The following ITPRID1 variants were observed in gnomAD, a reference collection of about 807,000 sequenced individuals.
ITPRID1 encodes the protein ITPR interacting domain containing 1.
ITPRID1 carries 96 observed loss-of-function variants against 95.4 expected under a neutral mutation model. The ratio of observed to expected loss-of-function variants is 1.01; its 90% CI spans 0.85 to 1.19. The LOEUF is 1.19. Among genes scored for constraint, ITPRID1 ranks in the 50% most tolerant of loss-of-function variants. ITPRID1 has a pLI of 0.00. For synonymous variants in ITPRID1, 510 were observed against 453.6 expected, an observed-to-expected ratio of 1.12 and a Z score of -1.58; for missense variants, 1,339 against 1,252.9, an observed-to-expected ratio of 1.07 and a Z score of -1.04.
chr7:31,519,534 T>C (rs2128126376), intron 1 of ITPRID1, among the ~76,000 whole-genome samples: 1 of 150,012 alleles, frequency 6.7e-6, no homozygotes, highest in Admixed American at 6.7e-5. Context: ...GTTCCATCTA[T>C]ACATAGATAT....
chr7:31,545,666 G>A (rs190228717), intron 1 of ITPRID1, among the ~76,000 whole-genome samples: 3 of 152,210 alleles, frequency 2.0e-5, no homozygotes, highest in East Asian at 1.9e-4. Context: ...GGGCACAACT[G>A]CCTTGTCTTT....
chr7:31,658,304 T>G, downstream of ITPRID1: 10 of 1,520,170 alleles, frequency 6.6e-6, no homozygotes, highest in Non-Finnish European at 8.8e-6. Context: ...GATCCCTTTT[T>G]TTTTTCTTCA....
At chr7:31,573,126 T>A (rs1471549929) in intron 7 of ITPRID1, among the ~76,000 whole-genome samples, 1 of 152,176 alleles carries the variant, frequency 6.6e-6, no homozygotes, top group African/African-American at 2.4e-5. Context: ...AATGGAGCCA[T>A]CTCCAGTTCA....
At chr7:31,598,427 G>A (rs1476159234) in intron 10 of ITPRID1, among the ~76,000 whole-genome samples, 3 of 127,160 alleles carry the variant, frequency 2.4e-5, no homozygotes, top group Non-Finnish European at 4.7e-5. Context: ...TTTTTGAGAC[G>A]GAGTCTCGCT....
chr7:31,612,802 C>A (rs1786935400), intron 10 of ITPRID1, among the ~76,000 whole-genome samples: 1 of 152,128 alleles, frequency 6.6e-6, no homozygotes, highest in African/African-American at 2.4e-5. Flanking sequence ...TCAGATCTTT[C>A]TTGGGCATGA....
chr7:31,593,162 G>C (rs1340393512), intron 10 of ITPRID1, among the ~76,000 whole-genome samples: 1 of 152,000 alleles, frequency 6.6e-6, no homozygotes, highest in Admixed American at 6.6e-5. Context: ...AAAAGTAGCT[G>C]GGCATAGTGG....
In ITPRID1 at chr7:31,592,465, C is replaced by G. The variant is rs545048684; in HGVS notation, c.1228+9274C>G. ...CATTCAAGTTGATTAAGATGTTACT[C>G]AAAATAAAGTACTCTGGAACAGCCT... On this transcript the variant is annotated intron_variant, in intron 10 of 14. Coordinates refer to ENST00000615280, the MANE Select transcript of ITPRID1 (RefSeq NM_001257967.3). Among the ~76,000 whole-genome samples the G allele has an allele frequency of 9.9e-5, 15 of 152,258 alleles. No individual in the cohort carries two copies. In the South Asian group the frequency reaches 3.1e-3, roughly 32 times the overall value.
At chr7:31,574,886 T>G (rs911874897) in intron 8 of ITPRID1, 144 bp downstream of exon 8, 1 of 727,694 alleles carries the variant, frequency 1.4e-6, no homozygotes, top group Non-Finnish European at 2.3e-6. Context: ...GATTTCTTGG[T>G]CATCCTATAT....
rs551899745 is a variant in ITPRID1 at position 31,651,237 on chromosome 7, C to A, written c.2679C>A (p.Ala893=). The A allele has an allele frequency of 6.2e-7, 1 of 1,613,446 alleles. No homozygotes were observed. The highest frequency in any genetic ancestry group is 1.3e-5 in the African/African-American group (1 of 74,970). ...EIEQHLMGQQ[A]LFSRDMSEEE... Reference sequence around the variant, plus strand: ...AACAGCACCTTATGGGACAGCAGGCCCTCTTTTCCAGGGACATGTCAGAGG... The same window carrying A: ...AACAGCACCTTATGGGACAGCAGGCACTCTTTTCCAGGGACATGTCAGAGG... Residue 893 remains alanine (A), a synonymous_variant, in exon 13 of 15, where the codon GCC becomes GCA. Transcript: ENST00000615280.
At chr7:31,519,911 T>C (rs1783187748) in intron 1 of ITPRID1, among the ~76,000 whole-genome samples, 1 of 151,926 alleles carries the variant, frequency 6.6e-6, no homozygotes, top group Non-Finnish European at 1.5e-5. Context: ...GGATACATTA[T>C]TATTAACTAA....
chr7:31,530,892 T>C (rs1173574862), intron 1 of ITPRID1, among the ~76,000 whole-genome samples: 5 of 152,216 alleles, frequency 3.3e-5, no homozygotes, highest in Non-Finnish European at 7.3e-5. Context: ...ATAGGATCTA[T>C]ATCTTCTGGT....
chr7:31,529,700 G>A lies in ITPRID1; in HGVS notation c.-98+15580G>A, dbSNP rs1340447981. On this transcript the variant is annotated intron_variant, in intron 1 of 14. Transcript: ENST00000615280. ...ATAGTTCTGCAGTCACAAGGGCTTT[G>A]TAGTCAGTCTTAGCTGCTGGAACAT... is the stretch of plus-strand genomic sequence containing the variant. 3.7e-6 allele frequency: 5 copies of A among 1,350,644 alleles called. No homozygotes were observed. In the East Asian group the frequency reaches 1.3e-4, roughly 34 times the overall value. 83.7% of individuals were successfully genotyped at this position (1,350,644 alleles called of 1,614,324 possible). A position where few individuals can be genotyped will look rare whatever the true frequency, so the allele number is the denominator to read the frequency against.
intron 10 of ITPRID1, among the ~76,000 whole-genome samples, chr7:31,599,585 TTTTCTTTC>T (rs527461356): frequency 0.026 from 2,944 of 112,552 alleles, 132 homozygotes; most frequent in Admixed American, 0.067. Context: ...TGTTGTGTTA[TTTTCTTTC>T]TTTCTTTCTT....
At chr7:31,553,975 G>A (rs572227844) in intron 3 of ITPRID1, among the ~76,000 whole-genome samples, 1 of 152,078 alleles carries the variant, frequency 6.6e-6, no homozygotes, top group African/African-American at 2.4e-5. Flanking sequence ...GGCAATCCAG[G>A]GACTCTAGTG....
At chr7:31,519,620 C>CTCTCTCTCTCTCTCCATATATA in intron 1 of ITPRID1, among the ~76,000 whole-genome samples, 1 of 25,254 alleles carries the variant, frequency 4.0e-5, no homozygotes, top group Non-Finnish European at 7.3e-5. Context: ...CTCTCTCTCT[C>CTCTCTCTCTCTCTCCATATATA]TATATATATA....
intron 5 of ITPRID1, among the ~76,000 whole-genome samples, chr7:31,563,566 C>T (rs183333792): frequency 6.6e-5 from 10 of 152,200 alleles, no homozygotes; most frequent in East Asian, 1.9e-4. Flanking sequence ...TGATAACTGT[C>T]GCAGGTGTGG....
At chr7:31,519,088 C>T (rs557204822) in intron 1 of ITPRID1, among the ~76,000 whole-genome samples, 2 of 152,082 alleles carry the variant, frequency 1.3e-5, no homozygotes, top group Non-Finnish European at 2.9e-5. Flanking sequence ...GTGACTTGTC[C>T]GAGATTGTAT....
chr7:31,616,141 T>C (rs1325708797), intron 10 of ITPRID1, among the ~76,000 whole-genome samples: 2 of 152,144 alleles, frequency 1.3e-5, no homozygotes, highest in African/African-American at 2.4e-5. Flanking sequence ...CATGCAAAAA[T>C]ATAAATTATT....
intron 1 of ITPRID1, among the ~76,000 whole-genome samples, chr7:31,519,610 C>CTATATATATATATA (rs1373387362): frequency 1.9e-5 from 1 of 51,344 alleles, no homozygotes; most frequent in African/African-American, 7.3e-5. Context: ...CTCTCTCTCT[C>CTATATATATATATA]TCTCTCTCTC....
Sources: allele counts gnomAD v4.1 joint callset (sites outside exome capture counted in the v4.1 genomes callset), GRCh38; gene constraint gnomAD v4.1.1; transcripts MANE v1.5; gene names NCBI Gene and HGNC (gene_info 2026-07-23, HGNC 2026-07-21).